RHBDD1: variants seen among roughly 807,000 people sequenced by gnomAD.
The protein encoded by RHBDD1 is rhomboid-related protein 4.
In RHBDD1, 38 loss-of-function variants were observed where a neutral mutation model predicts 36.3. The ratio of observed to expected loss-of-function variants is 1.05; its 90% CI spans 0.81 to 1.37. RHBDD1 has a LOEUF of 1.37. RHBDD1 is among the 40% of genes most tolerant of loss of function. RHBDD1 has a pLI of 0.00. For synonymous variants in RHBDD1, 151 were observed against 136.5 expected, an observed-to-expected ratio of 1.11 and a Z score of -0.74; for missense variants, 393 against 377.6, an observed-to-expected ratio of 1.04 and a Z score of -0.34.
intron 3 of RHBDD1, among the ~76,000 whole-genome samples, chr2:226,863,740 T>C (rs1944067130): frequency 6.6e-6 from 1 of 152,228 alleles, no homozygotes; most frequent in Non-Finnish European, 1.5e-5. Context: ...AGGTATAGGC[T>C]GGGAGCTTAT....
At chr2:226,869,755 G>A (rs963509047) in intron 5 of RHBDD1, among the ~76,000 whole-genome samples, 1 of 152,194 alleles carries the variant, frequency 6.6e-6, no homozygotes, top group African/African-American at 2.4e-5. Flanking sequence ...GCTTCTCACA[G>A]TGTCTGTGTG....
rs1324838426 is a variant in RHBDD1, at chr2:226,998,538, TC to T, written c.*3019del. 1 of 152,198 alleles carries T rather than the reference TC, an allele frequency of 6.6e-6. No homozygotes were observed. The highest frequency in any genetic ancestry group is 2.4e-5 in the African/African-American group (1 of 41,450). The allele number at this position is 152,198 out of a possible 1,614,324, so 9.4% of individuals were successfully genotyped here. ...AAAATATATATATAACTTCTTCCTT[TC>T]CCTTCCCATGAATCATTGCAGTCAT... On this transcript the variant is annotated 3_prime_UTR_variant, in exon 9 of 9. Coordinates refer to ENST00000392062, the MANE Select transcript of RHBDD1 (RefSeq NM_001167608.3).
At chr2:226,893,844 C>T (rs1407058851) in intron 5 of RHBDD1, among the ~76,000 whole-genome samples, 1 of 152,098 alleles carries the variant, frequency 6.6e-6, no homozygotes, top group Admixed American at 6.6e-5. Flanking sequence ...AAATAGTCCT[C>T]TACACACAGC....
At chr2:226,889,056 A>T (rs960662351) in intron 5 of RHBDD1, among the ~76,000 whole-genome samples, 1 of 152,240 alleles carries the variant, frequency 6.6e-6, no homozygotes, top group Non-Finnish European at 1.5e-5. Context: ...GTAAACGTTC[A>T]TTTAAAATTC....
At chr2:226,944,564 C>A (rs959952397) in intron 8 of RHBDD1, among the ~76,000 whole-genome samples, 1 of 152,084 alleles carries the variant, frequency 6.6e-6, no homozygotes, top group South Asian at 2.1e-4. Flanking sequence ...CACGAATAGA[C>A]AACTACTTAA....
chr2:226,800,443 TG>T, the RHBDD1 span, among the ~76,000 whole-genome samples: 1 of 152,166 alleles, frequency 6.6e-6, no homozygotes. Flanking sequence ...GGGCAGTGAC[TG>T]GGGGCAGTTA....
At chr2:226,947,312 C>T (rs1322983750) in intron 8 of RHBDD1, among the ~76,000 whole-genome samples, 1 of 151,748 alleles carries the variant, frequency 6.6e-6, no homozygotes, top group Non-Finnish European at 1.5e-5. Flanking sequence ...GTTTCAGCTT[C>T]CTACATATGG....
chr2:226,867,416 G>A, intron 5 of RHBDD1, 98 bp downstream of exon 5: 1 of 1,334,052 alleles, frequency 7.5e-7, no homozygotes, highest in Non-Finnish European at 1.0e-6. Flanking sequence ...TTTTCACAGT[G>A]AGGTTTATTC....
At chr2:226,930,529 A>G (rs1254720750) in intron 8 of RHBDD1, among the ~76,000 whole-genome samples, 3 of 152,094 alleles carry the variant, frequency 2.0e-5, no homozygotes, top group African/African-American at 4.8e-5. Context: ...ACCTGAAACC[A>G]TAAGAATTCT....
chr2:226,885,486 A>G (rs1209495756), intron 5 of RHBDD1, among the ~76,000 whole-genome samples: 3 of 152,194 alleles, frequency 2.0e-5, no homozygotes, highest in Admixed American at 1.3e-4. Flanking sequence ...AGCCATTAAA[A>G]TGGTATTGTC....
chr2:226,841,884 A>C (rs1941675490), intron 3 of RHBDD1, among the ~76,000 whole-genome samples: 1 of 152,230 alleles, frequency 6.6e-6, no homozygotes, highest in Non-Finnish European at 1.5e-5. Flanking sequence ...TGTCTTACAC[A>C]GTGGTTGAAC....
At chr2:226,903,365 A>T (rs916514010) in intron 5 of RHBDD1, among the ~76,000 whole-genome samples, 2 of 152,184 alleles carry the variant, frequency 1.3e-5, no homozygotes, top group Admixed American at 1.3e-4. Context: ...CTCACCCAGG[A>T]CGTGAATCAT....
At chr2:226,895,263 C>T (rs1049166910) in intron 5 of RHBDD1, among the ~76,000 whole-genome samples, 1 of 152,162 alleles carries the variant, frequency 6.6e-6, no homozygotes, top group Non-Finnish European at 1.5e-5. Flanking sequence ...ATGGGGTAGA[C>T]TGCTGGGCTA....
At chr2:226,825,541 T>C in the RHBDD1 span, among the ~76,000 whole-genome samples, 1 of 152,274 alleles carries the variant, frequency 6.6e-6, no homozygotes. Flanking sequence ...TAGAAAAATG[T>C]AGAAAACTGG....
chr2:226,849,617 A>G (rs1942588839), intron 3 of RHBDD1, among the ~76,000 whole-genome samples: 2 of 152,224 alleles, frequency 1.3e-5, no homozygotes, highest in Admixed American at 6.5e-5. Context: ...CTGGCCCCGG[A>G]TGTCCTCTTT....
At chr2:226,924,725 C>T (rs139250898) in intron 8 of RHBDD1, among the ~76,000 whole-genome samples, 101 of 152,316 alleles carry the variant, frequency 6.6e-4, no homozygotes, top group African/African-American at 2.1e-3. Context: ...CTGGCCTAGG[C>T]GGGTCTAAAT....
chr2:226,923,148 A>G lies in RHBDD1; in HGVS notation c.856+8797A>G, dbSNP rs555060116. ...ACCTTCAGATGATTTTTTATTGCTC[A>G]TTAACATCCTTTTCTTTCAGATTGA... On this transcript the variant is annotated intron_variant, in intron 8 of 8. Transcript: ENST00000392062. Among the ~76,000 whole-genome samples the G allele has an allele frequency of 8.9e-4, 136 of 152,296 alleles. 3 individuals carry two copies. The South Asian group carries it at 0.011, about 13-fold the overall frequency.
At chr2:226,858,637 C>G (rs1265393853) in intron 3 of RHBDD1, among the ~76,000 whole-genome samples, 1 of 152,142 alleles carries the variant, frequency 6.6e-6, no homozygotes, top group Non-Finnish European at 1.5e-5. Flanking sequence ...TTGAAAATCA[C>G]TGAAATTAGT....
chr2:226,975,665 A>C lies in RHBDD1; in HGVS notation c.857-19766A>C, dbSNP rs147693121. Reference sequence around the variant, plus strand: ...TGCAGGGAAATACATTTATTTCTACATGCAGAAGGAACTCATTAAAATCTG... The same window carrying C: ...TGCAGGGAAATACATTTATTTCTACCTGCAGAAGGAACTCATTAAAATCTG... On this transcript the variant is annotated intron_variant, in intron 8 of 8. Coordinates refer to ENST00000392062, the MANE Select transcript of RHBDD1 (RefSeq NM_001167608.3). Among the ~76,000 whole-genome samples, 360 of 152,350 alleles carry C rather than the reference A, an allele frequency of 2.4e-3. 1 individual carries two copies. Among genetic ancestry groups the C allele is most frequent in the Non-Finnish European group, 4.1e-3 (279 of 68,040 alleles).
Sources: allele counts gnomAD v4.1 joint callset (sites outside exome capture counted in the v4.1 genomes callset), GRCh38; gene constraint gnomAD v4.1.1; transcripts MANE v1.5; gene names NCBI Gene and HGNC (gene_info 2026-07-23, HGNC 2026-07-21).